Variants in BRINP3 observed in about 807,000 individuals in gnomAD.
BRINP3 encodes the protein BMP/retinoic acid inducible neural specific 3, also known as BMP/retinoic acid-inducible neural-specific protein 3.
BRINP3 carries 19 observed loss-of-function variants against 71.0 expected under a neutral mutation model. The observed-to-expected ratio is 0.27, with a 90% CI of 0.19 to 0.39. The LOEUF (loss-of-function observed/expected upper bound fraction) is 0.39. Ranked by LOEUF, BRINP3 falls within the 10% of genes least tolerant of loss-of-function variation. The pLI is 1.00. For missense variants in BRINP3, 959 were observed against 940.8 expected, an observed-to-expected ratio of 1.02 and a Z score of -0.25; for synonymous variants, 380 against 337.7, an observed-to-expected ratio of 1.13 and a Z score of -1.37.
At chr1:190,394,952 T>C (rs1284025175) in intron 2 of BRINP3, among the ~76,000 whole-genome samples, 7 of 151,676 alleles carry the variant, frequency 4.6e-5, no homozygotes, top group Admixed American at 2.0e-4. Flanking sequence ...GTGAAGAGAA[T>C]GTCATTTTTC....
intron 6 of BRINP3, among the ~76,000 whole-genome samples, chr1:190,191,799 A>G (rs1342004113): frequency 6.6e-6 from 1 of 152,154 alleles, no homozygotes; most frequent in Non-Finnish European, 1.5e-5. Context: ...CATAATTTGC[A>G]TTGAAATCTT....
intron 2 of BRINP3, among the ~76,000 whole-genome samples, chr1:190,299,886 C>A (rs1026372524): frequency 6.6e-6 from 1 of 152,084 alleles, no homozygotes; most frequent in Non-Finnish European, 1.5e-5. Context: ...GCCCCACTCT[C>A]TTCTGGCTTG....
rs186728339 is a variant in BRINP3, at chr1:190,252,306, T to C, written c.618+12559A>G. On this transcript the variant is annotated intron_variant, in intron 4 of 7. Transcript: ENST00000367462. ...TAGTTTAGCTGTGCTGTGATCTTGA[T>C]GCACTGGAGACCATGATGTAGAATA... is the stretch of plus-strand genomic sequence containing the variant. 2.6e-4 allele frequency among the ~76,000 whole-genome samples: 39 copies of C among 152,172 alleles called. No individual in the cohort carries two copies. The East Asian group carries it at 5.6e-3, about 22-fold the overall frequency.
intron 4 of BRINP3, among the ~76,000 whole-genome samples, chr1:190,240,007 T>C (rs980007509): frequency 2.0e-5 from 3 of 151,594 alleles, no homozygotes; most frequent in African/African-American, 7.2e-5. Context: ...ATTTCAAGGC[T>C]ACAATTACTA....
chr1:190,383,096 AT>A (rs954993887), intron 2 of BRINP3, among the ~76,000 whole-genome samples: 23 of 152,012 alleles, frequency 1.5e-4, no homozygotes, highest in African/African-American at 4.1e-4. Flanking sequence ...TTCCTGATAT[AT>A]TTTTTTTCCT....
At chr1:190,189,536 T>C (rs1217131995) in intron 6 of BRINP3, among the ~76,000 whole-genome samples, 1 of 152,134 alleles carries the variant, frequency 6.6e-6, no homozygotes, top group African/African-American at 2.4e-5. Context: ...TCAATTCTGC[T>C]GTTGATACTT....
At chr1:190,458,412 C>G (rs1314944414) in intron 1 of BRINP3, among the ~76,000 whole-genome samples, 2 of 151,928 alleles carry the variant, frequency 1.3e-5, no homozygotes, top group African/African-American at 4.8e-5. Context: ...TAATAGAATG[C>G]CTAAGGCAAG....
rs527506131 is a variant in BRINP3, at chr1:190,434,985, A to T, written c.236+19670T>A. ...GTATAGTTTTCTGTGCTCTATGAAGACTTCATGCTGCTTCATGATGTCCTT... is the reference window on the plus strand; with the variant it reads ...GTATAGTTTTCTGTGCTCTATGAAGTCTTCATGCTGCTTCATGATGTCCTT... On this transcript the variant is annotated intron_variant, in intron 2 of 7. Coordinates refer to ENST00000367462, the MANE Select transcript of BRINP3 (RefSeq NM_199051.3). Among the ~76,000 whole-genome samples the T allele has an allele frequency of 4.7e-3, 711 of 152,238 alleles. 6 individuals carry two copies. The highest frequency in any genetic ancestry group is 0.014 in the Middle Eastern group (4 of 292).
chr1:190,370,654 G>T (rs1308804922), intron 2 of BRINP3, among the ~76,000 whole-genome samples: 1 of 152,220 alleles, frequency 6.6e-6, no homozygotes, highest in Non-Finnish European at 1.5e-5. Flanking sequence ...GGGAGAGGCT[G>T]GCTTGGCTAA....
chr1:190,288,851 G>GT (rs1467173907), intron 2 of BRINP3, among the ~76,000 whole-genome samples: 3 of 151,850 alleles, frequency 2.0e-5, no homozygotes, highest in Admixed American at 6.6e-5. Flanking sequence ...CACCAGTGTT[G>GT]TTCCAGGTAT....
rs754900575 is a variant in BRINP3 at position 190,359,686 on chromosome 1, C to T, written c.237-77936G>A. 1.8e-4 allele frequency among the ~76,000 whole-genome samples: 27 copies of T among 152,116 alleles called. 1 individual carries two copies. Among genetic ancestry groups the T allele is most frequent in the Admixed American group, 7.9e-4 (12 of 15,252 alleles). On this transcript the variant is annotated intron_variant, in intron 2 of 7. Coordinates refer to ENST00000367462, the MANE Select transcript of BRINP3 (RefSeq NM_199051.3). Reference sequence around the variant, plus strand: ...GCCATACCTCTTGCATACTGTCATACATTGAAGCTGGGAAAGTAACAGGTA... The same window carrying T: ...GCCATACCTCTTGCATACTGTCATATATTGAAGCTGGGAAAGTAACAGGTA...
At chr1:190,275,991 A>G (rs1267926568) in intron 3 of BRINP3, among the ~76,000 whole-genome samples, 2 of 151,522 alleles carry the variant, frequency 1.3e-5, no homozygotes, top group Admixed American at 6.6e-5. Flanking sequence ...AGAGAATGAG[A>G]CAGAGAAACT....
At chr1:190,140,676 T>C (rs1655359290) in intron 7 of BRINP3, among the ~76,000 whole-genome samples, 1 of 152,206 alleles carries the variant, frequency 6.6e-6, no homozygotes, top group South Asian at 2.1e-4. Flanking sequence ...GAATTTGTTT[T>C]CAAATTTAGT....
At chr1:190,384,757 AC>A in intron 2 of BRINP3, among the ~76,000 whole-genome samples, 1 of 152,004 alleles carries the variant, frequency 6.6e-6, no homozygotes, top group East Asian at 1.9e-4. Flanking sequence ...TTCATGAAGC[AC>A]CCTGAACAAA....
At chr1:190,329,689 C>T (rs1666839407) in intron 2 of BRINP3, among the ~76,000 whole-genome samples, 1 of 151,768 alleles carries the variant, frequency 6.6e-6, no homozygotes, top group Non-Finnish European at 1.5e-5. Context: ...CCTGAATAGC[C>T]AAAGCAACCC....
intron 6 of BRINP3, among the ~76,000 whole-genome samples, chr1:190,168,679 T>C (rs1335095468): frequency 3.3e-5 from 5 of 152,206 alleles, no homozygotes; most frequent in Non-Finnish European, 7.4e-5. Context: ...TGCTTGTTTT[T>C]CATGTTTGAC....
intron 2 of BRINP3, among the ~76,000 whole-genome samples, chr1:190,400,803 T>C (rs998745486): frequency 2.6e-5 from 4 of 152,202 alleles, no homozygotes; most frequent in Non-Finnish European, 5.9e-5. Context: ...GTGAAGGTAA[T>C]CTTAATTCCC....
At chr1:190,162,476 A>C (rs78285728) in intron 6 of BRINP3, among the ~76,000 whole-genome samples, 1 of 128,324 alleles carries the variant, frequency 7.8e-6, no homozygotes, top group African/African-American at 2.8e-5. Context: ...CCTATATTTT[A>C]TTTGGTCCCA....
intron 4 of BRINP3, among the ~76,000 whole-genome samples, chr1:190,252,421 T>C (rs1432036272): frequency 6.6e-6 from 1 of 152,134 alleles, no homozygotes; most frequent in Non-Finnish European, 1.5e-5. Context: ...TTTCTGCTTA[T>C]TGAAAGAGCT....
Sources: allele counts gnomAD v4.1 joint callset (sites outside exome capture counted in the v4.1 genomes callset), GRCh38; gene constraint gnomAD v4.1.1; transcripts MANE v1.5; gene names NCBI Gene and HGNC (gene_info 2026-07-23, HGNC 2026-07-21).